Variants in GFRA2 observed in about 807,000 individuals in gnomAD.
GFRA2 encodes the protein GDNF family receptor alpha-2.
GFRA2 carries 17 observed loss-of-function variants against 48.3 expected under a neutral mutation model. The observed-to-expected ratio is 0.35, with a 90% CI of 0.24 to 0.53. The LOEUF is 0.53. GFRA2 is among the 20% of genes least tolerant of loss of function. The pLI is 0.93. For synonymous variants in GFRA2, 305 were observed against 257.2 expected (o/e 1.19, Z -1.78); for missense variants, 660 against 637.3 (o/e 1.04, Z -0.38).
intron 6 of GFRA2, 21 bp downstream of exon 6, chr8:21,704,964 G>T (rs367998365): frequency 2.5e-6 from 4 of 1,594,716 alleles, no homozygotes; most frequent in South Asian, 1.1e-5. Context: ...GCTGGGGTTG[G>T]GGAGAACATC....
At chr8:21,759,534 GA>G (rs1805788822) in intron 3 of GFRA2, among the ~76,000 whole-genome samples, 4 of 149,670 alleles carry the variant, frequency 2.7e-5, no homozygotes, top group Admixed American at 1.3e-4. Flanking sequence ...AGGAAGGAAG[GA>G]AGGAAGGAGG....
intron 4 of GFRA2, among the ~76,000 whole-genome samples, chr8:21,741,554 C>T (rs891768199): frequency 1.3e-5 from 2 of 152,132 alleles, no homozygotes; most frequent in African/African-American, 4.8e-5. Flanking sequence ...AGACCACTGA[C>T]ACTGTATTCT....
chr8:21,713,708 C>T (rs1307625453), intron 4 of GFRA2, among the ~76,000 whole-genome samples: 4 of 152,126 alleles, frequency 2.6e-5, no homozygotes, highest in African/African-American at 7.2e-5. Flanking sequence ...TCTCTAGCTC[C>T]ACCCTATCTC....
chr8:21,772,262 T>A (rs944928157), intron 3 of GFRA2, among the ~76,000 whole-genome samples: 1 of 152,210 alleles, frequency 6.6e-6, no homozygotes, highest in Non-Finnish European at 1.5e-5. Flanking sequence ...ACCTTCTTTC[T>A]GCTGAGCTCC....
At chr8:21,795,608 G>T (rs1350431587) in intron 2 of GFRA2, among the ~76,000 whole-genome samples, 2 of 152,234 alleles carry the variant, frequency 1.3e-5, no homozygotes, top group Non-Finnish European at 2.9e-5. Flanking sequence ...GGCTAGGCTG[G>T]TCTCGAACTC....
intron 7 of GFRA2, among the ~76,000 whole-genome samples, chr8:21,701,210 C>T (rs1413398445): frequency 2.0e-5 from 3 of 152,244 alleles, no homozygotes; most frequent in Non-Finnish European, 2.9e-5. Flanking sequence ...CTGGCTAACG[C>T]GGTGAAACCC....
intron 4 of GFRA2, chr8:21,706,335 G>C (rs549327203): frequency 1.9e-6 from 1 of 535,106 alleles, no homozygotes; most frequent in African/African-American, 1.9e-5. Flanking sequence ...GCTCTAAATG[G>C]CTCTTTTAGG....
intron 3 of GFRA2, among the ~76,000 whole-genome samples, chr8:21,760,549 G>A (rs75040847): frequency 0.011 from 1,641 of 152,354 alleles, 23 homozygotes; most frequent in African/African-American, 0.036. Flanking sequence ...TGGAAGGAAA[G>A]AAGAGAGGCA....
At chr8:21,721,874 G>A (rs1252794334) in intron 4 of GFRA2, among the ~76,000 whole-genome samples, 7 of 152,152 alleles carry the variant, frequency 4.6e-5, no homozygotes, top group African/African-American at 9.7e-5. Flanking sequence ...ATATATTCTC[G>A]GAGTCACAGG....
At chr8:21,738,259 C>T (rs1248256398) in intron 4 of GFRA2, among the ~76,000 whole-genome samples, 1 of 144,494 alleles carries the variant, frequency 6.9e-6, no homozygotes, top group African/African-American at 2.6e-5. Flanking sequence ...GTGACAACAT[C>T]ACCAGCCAGC....
At chr8:21,704,940 G>C (rs1403918499) in intron 6 of GFRA2, 45 bp downstream of exon 6, 1 of 1,440,532 alleles carries the variant, frequency 6.9e-7, no homozygotes, top group African/African-American at 1.4e-5. Flanking sequence ...ACTCCAGGAG[G>C]GGTGGGAGGG....
At chr8:21,771,444 T>C (rs1406668370) in intron 3 of GFRA2, among the ~76,000 whole-genome samples, 5 of 151,998 alleles carry the variant, frequency 3.3e-5, no homozygotes, top group Non-Finnish European at 7.4e-5. Flanking sequence ...GCCACACTGC[T>C]CCCTCCTTCG....
chr8:21,773,026 C>T (rs1036382385), intron 3 of GFRA2, among the ~76,000 whole-genome samples: 2 of 152,240 alleles, frequency 1.3e-5, no homozygotes, highest in Non-Finnish European at 2.9e-5. Flanking sequence ...AGGGTGTGCC[C>T]ACCATAGCAT....
chr8:21,803,834 T>G (rs1264526790), intron 2 of GFRA2, among the ~76,000 whole-genome samples: 3 of 152,268 alleles, frequency 2.0e-5, no homozygotes, highest in Non-Finnish European at 4.4e-5. Context: ...GGTCTTGCCA[T>G]GTTGCCCTGG....
intron 4 of GFRA2, among the ~76,000 whole-genome samples, chr8:21,745,026 C>A (rs1263448249): frequency 6.6e-6 from 1 of 152,230 alleles, no homozygotes; most frequent in East Asian, 1.9e-4. Flanking sequence ...CGAGGCCCAG[C>A]AAGCAGATAT....
chr8:21,694,373 T>G (rs1043811072), intron 8 of GFRA2, 91 bp downstream of exon 8: 2 of 1,257,100 alleles, frequency 1.6e-6, no homozygotes, highest in African/African-American at 3.0e-5. Flanking sequence ...GCGATGAGAT[T>G]TGAGGGCGCT....
At chr8:21,806,320 C>T (rs1165765305) in intron 1 of GFRA2, among the ~76,000 whole-genome samples, 1 of 152,162 alleles carries the variant, frequency 6.6e-6, no homozygotes, top group Non-Finnish European at 1.5e-5. Context: ...CAGAAGAGTA[C>T]TCAATAAATT....
At chr8:21,774,927 G>A (rs1806621518) in intron 3 of GFRA2, 45 bp downstream of exon 3, 2 of 1,048,326 alleles carry the variant, frequency 1.9e-6, no homozygotes, top group Non-Finnish European at 3.0e-6. Flanking sequence ...CCATGCCACA[G>A]GGACGAGAGG....
intron 2 of GFRA2, among the ~76,000 whole-genome samples, chr8:21,776,677 G>A (rs1450463918): frequency 6.6e-6 from 1 of 151,930 alleles, no homozygotes; most frequent in Non-Finnish European, 1.5e-5. Context: ...CACCATGTTG[G>A]CCAGGCTGGT....
Sources: allele counts gnomAD v4.1 joint callset (sites outside exome capture counted in the v4.1 genomes callset), GRCh38; gene constraint gnomAD v4.1.1; transcripts MANE v1.5; gene names NCBI Gene and HGNC (gene_info 2026-07-23, HGNC 2026-07-21).